ZBTB20: variants seen among roughly 807,000 people sequenced by gnomAD.
The protein encoded by ZBTB20 is zinc finger and BTB domain containing 20, also known as zinc finger and BTB domain-containing protein 20.
In ZBTB20, 9 loss-of-function variants were observed where a neutral mutation model predicts 56.9. That is an observed-to-expected ratio of 0.16 (90% CI 0.10 to 0.28). The LOEUF (loss-of-function observed/expected upper bound fraction) is 0.28, where lower values mean the gene tolerates loss of function less well. ZBTB20 is among the 10% of genes least tolerant of loss of function. The pLI is 1.00. For missense variants in ZBTB20, 655 were observed against 1,003.0 expected (o/e 0.65, Z 4.69); for synonymous variants, 417 against 420.7 (o/e 0.99, Z 0.11).
chr3:114,550,946 T>TTG (rs2050499535), intron 6 of ZBTB20, among the ~76,000 whole-genome samples: 1 of 152,194 alleles, frequency 6.6e-6, no homozygotes, highest in Non-Finnish European at 1.5e-5. Context: ...AGACGGGGTT[T>TTG]TGCCATGTTG....
At chr3:114,749,167 C>T (rs1433579050) in intron 5 of ZBTB20, among the ~76,000 whole-genome samples, 2 of 152,130 alleles carry the variant, frequency 1.3e-5, no homozygotes, top group Non-Finnish European at 2.9e-5. Context: ...TACTTATGTA[C>T]CTTTTGCTAC....
At chr3:114,780,696 C>G (rs189109668) in intron 5 of ZBTB20, among the ~76,000 whole-genome samples, 1 of 152,152 alleles carries the variant, frequency 6.6e-6, no homozygotes, top group Non-Finnish European at 1.5e-5. Flanking sequence ...CCATGTTGGC[C>G]AGGATGGTCT....
intron 3 of ZBTB20, among the ~76,000 whole-genome samples, chr3:114,954,492 T>TAC (rs1441650886): frequency 3.9e-5 from 6 of 151,988 alleles, no homozygotes; most frequent in African/African-American, 1.4e-4. Context: ...CACACACATA[T>TAC]ACACACACAC....
chr3:114,890,377 T>A (rs2076760742), intron 4 of ZBTB20, among the ~76,000 whole-genome samples: 1 of 152,196 alleles, frequency 6.6e-6, no homozygotes, highest in African/African-American at 2.4e-5. Flanking sequence ...AAATTGTGTA[T>A]GTGAATGAAA....
intron 6 of ZBTB20, among the ~76,000 whole-genome samples, chr3:114,678,570 G>A (rs534178228): frequency 7.2e-5 from 11 of 152,234 alleles, no homozygotes; most frequent in East Asian, 1.9e-4. Flanking sequence ...TCATGTATAC[G>A]TCGCAGAATC....
intron 4 of ZBTB20, among the ~76,000 whole-genome samples, chr3:114,860,725 C>T (rs2075486722): frequency 6.6e-6 from 1 of 152,300 alleles, no homozygotes; most frequent in Middle Eastern, 3.4e-3. Flanking sequence ...TCCTGGAGAT[C>T]TTACTGGTGT....
chr3:115,135,965 G>A (rs1235437306), intron 1 of ZBTB20, among the ~76,000 whole-genome samples: 1 of 152,074 alleles, frequency 6.6e-6, no homozygotes, highest in Non-Finnish European at 1.5e-5. Context: ...ACAAAGCATA[G>A]TGTGCTTTGT....
chr3:114,645,077 G>A (rs1468983610), intron 6 of ZBTB20, among the ~76,000 whole-genome samples: 2 of 151,806 alleles, frequency 1.3e-5, no homozygotes, highest in Admixed American at 6.6e-5. Flanking sequence ...TGAGCTCCAC[G>A]ATGTTCGTTG....
chr3:114,551,382 A>C (rs1007980778), intron 6 of ZBTB20, among the ~76,000 whole-genome samples: 1 of 152,238 alleles, frequency 6.6e-6, no homozygotes, highest in Non-Finnish European at 1.5e-5. Flanking sequence ...ACAAATTTAT[A>C]GACAATTATG....
At chr3:114,375,161 G>A (rs2083463146) in intron 10 of ZBTB20, among the ~76,000 whole-genome samples, 1 of 152,188 alleles carries the variant, frequency 6.6e-6, no homozygotes, top group Non-Finnish European at 1.5e-5. Context: ...GTTCTTCATT[G>A]AGCGTGTCTG....
At chr3:114,615,078 C>A (rs890455056) in intron 6 of ZBTB20, among the ~76,000 whole-genome samples, 3 of 152,060 alleles carry the variant, frequency 2.0e-5, no homozygotes, top group African/African-American at 7.2e-5. Flanking sequence ...GTAGTGCCCA[C>A]TTTTGACAAA....
At chr3:114,737,559 T>G (rs1053476652) in intron 5 of ZBTB20, among the ~76,000 whole-genome samples, 8 of 152,228 alleles carry the variant, frequency 5.3e-5, no homozygotes, top group African/African-American at 1.7e-4. Flanking sequence ...TTCATGGGAA[T>G]AGCAAATGAA....
Position 114,779,839 on chromosome 3 carries a change from C to A in ZBTB20, c.-343+21262G>T, listed in dbSNP as rs1578833726. Among the ~76,000 whole-genome samples, 6 of 152,248 alleles carry A rather than the reference C, an allele frequency of 3.9e-5. 1 individual carries two copies. The highest frequency in any genetic ancestry group is 3.9e-4 in the Admixed American group (6 of 15,282). On this transcript the variant is annotated intron_variant, in intron 5 of 11. Coordinates refer to ENST00000675478, the MANE Select transcript of ZBTB20 (RefSeq NM_001348800.3). ...TCTTAGTCATAATGTTTCTAAGACA[C>A]AAATTAATCAAAATCCCAGGTTATC...
intron 6 of ZBTB20, among the ~76,000 whole-genome samples, chr3:114,595,850 TAACA>T (rs1030250204): frequency 7.9e-5 from 12 of 152,304 alleles, no homozygotes; most frequent in African/African-American, 2.9e-4. Flanking sequence ...AGCAGTCCAA[TAACA>T]AACATGTTGC....
intron 2 of ZBTB20, among the ~76,000 whole-genome samples, chr3:115,061,948 C>T (rs2082027833): frequency 1.3e-5 from 2 of 152,174 alleles, no homozygotes; most frequent in South Asian, 4.1e-4. Context: ...GCACCCTAAA[C>T]ATTATGCACT....
At position 114,472,327 on chromosome 3, in the gene ZBTB20, A is replaced by G. The variant is rs115364926; in HGVS notation, c.-255+28025T>C. On this transcript the variant is annotated intron_variant, in intron 7 of 11. Transcript: ENST00000675478. ...AAATTCCAACCTGTTTTTACAGTCT[A>G]GGTTAATCCAGTCTAACCTATCAAG... Among the ~76,000 whole-genome samples the G allele has an allele frequency of 3.0e-3, 453 of 152,326 alleles. 2 individuals are homozygous for G. Among genetic ancestry groups the G allele is most frequent in the African/African-American group, 0.01 (433 of 41,580 alleles).
intron 10 of ZBTB20, among the ~76,000 whole-genome samples, chr3:114,362,359 T>A (rs1193661176): frequency 6.6e-6 from 1 of 152,184 alleles, no homozygotes; most frequent in African/African-American, 2.4e-5. Context: ...GGATCCCTCA[T>A]TGTGCCCAGC....
intron 10 of ZBTB20, among the ~76,000 whole-genome samples, chr3:114,362,818 A>G (rs1240402398): frequency 1.3e-5 from 2 of 152,226 alleles, no homozygotes; most frequent in Admixed American, 6.5e-5. Flanking sequence ...TGTGATAGAA[A>G]AATGATCAGG....
chr3:114,631,025 A>G (rs997040320), intron 6 of ZBTB20, among the ~76,000 whole-genome samples: 1 of 152,192 alleles, frequency 6.6e-6, no homozygotes, highest in African/African-American at 2.4e-5. Flanking sequence ...GTAGATAAAT[A>G]CCTATAATAG....
Sources: gnomAD v4.1 joint callset for allele counts (sites outside exome capture counted in the v4.1 genomes callset) on GRCh38, gnomAD v4.1.1 for gene constraint, MANE v1.5 for transcripts, NCBI Gene and HGNC (gene_info 2026-07-23, HGNC 2026-07-21) for gene names.